PCDHGA1: variants seen among roughly 807,000 people sequenced by gnomAD.
PCDHGA1 encodes the protein protocadherin gamma-A1.
A neutral mutation model predicts 58.0 loss-of-function variants in PCDHGA1; 32 were observed. The observed-to-expected ratio is 0.55, with a 90% CI of 0.42 to 0.74. PCDHGA1 has a LOEUF of 0.74. Ranked by LOEUF, PCDHGA1 falls within the 30% of genes least tolerant of loss-of-function variation. The pLI, the probability that PCDHGA1 is intolerant of heterozygous loss-of-function variation, is 0.00. For synonymous variants in PCDHGA1, 498 were observed against 501.1 expected (o/e 0.99, Z 0.08); for missense variants, 1,205 against 1,182.3 (o/e 1.02, Z -0.28).
chr5:141,403,634 A>T, intron 1 of PCDHGA1: 1 of 1,613,920 alleles, frequency 6.2e-7, no homozygotes, highest in Non-Finnish European at 8.5e-7. Flanking sequence ...CACAGTGCGC[A>T]TCCATGTGAC....
intron 1 of PCDHGA1, among the ~76,000 whole-genome samples, chr5:141,437,976 T>G (rs1182220385): frequency 1.3e-5 from 2 of 152,096 alleles, no homozygotes; most frequent in Non-Finnish European, 2.9e-5. Flanking sequence ...GATCTTGGGA[T>G]GCACCCACCC....
rs769909773 is a variant in PCDHGA1 at position 141,476,732 on chromosome 5, C to T, written c.2422-18075C>T. The T allele has an allele frequency of 8.7e-6, 14 of 1,614,096 alleles. No homozygotes were observed. Among genetic ancestry groups the T allele is most frequent in the Non-Finnish European group, 1.1e-5 (13 of 1,180,030 alleles). ...GTTGGAGCGCGCCCTGGACCGAGAA[C>T]GGGAGCCTAGTCTCCAGTTAGTGCT... is the stretch of plus-strand genomic sequence containing the variant. On this transcript the variant is annotated intron_variant, in intron 1 of 3. Coordinates refer to ENST00000517417, the MANE Select transcript of PCDHGA1 (RefSeq NM_018912.3). The surrounding 1 kb of genome is among the most constrained non-coding windows in gnomAD (Gnocchi z 7.6).
chr5:141,360,940 C>A (rs753520735), intron 1 of PCDHGA1: 6 of 1,613,772 alleles, frequency 3.7e-6, no homozygotes, highest in South Asian at 2.2e-5. Context: ...AGCCACCGAC[C>A]GGGATGAAGG....
intron 1 of PCDHGA1, among the ~76,000 whole-genome samples, chr5:141,445,740 A>T (rs993128906): frequency 2.6e-5 from 4 of 152,226 alleles, no homozygotes; most frequent in Admixed American, 1.3e-4. Flanking sequence ...AGATCTTTTT[A>T]AAAAATAAAA....
Position 141,413,476 on chromosome 5 carries a change from G to T in PCDHGA1, c.2421+80371G>T, listed in dbSNP as rs566734719. 2.1e-5 allele frequency: 34 copies of T among 1,614,004 alleles called. No homozygotes were observed. The South Asian group carries it at 3.7e-4, about 18-fold the overall frequency. ...CAGGATAGACCGGGAGGAGCTCTGC[G>T]CTCAGAGCGCGCGGTGCGTGGTGAG... On this transcript the variant is annotated intron_variant, in intron 1 of 3. Coordinates refer to ENST00000517417, the MANE Select transcript of PCDHGA1 (RefSeq NM_018912.3).
intron 1 of PCDHGA1, chr5:141,427,083 C>T: frequency 2.2e-6 from 1 of 458,128 alleles, no homozygotes; most frequent in South Asian, 1.5e-5. Flanking sequence ...AGCCACTGAC[C>T]AGGATGAGGG....
chr5:141,333,474 C>T (rs1394226250), intron 1 of PCDHGA1: 1 of 348,170 alleles, frequency 2.9e-6, no homozygotes, highest in Non-Finnish European at 5.1e-6. Flanking sequence ...AAATGACTAA[C>T]ACTATTTTCA....
intron 1 of PCDHGA1, among the ~76,000 whole-genome samples, chr5:141,382,057 G>A (rs1777911677): frequency 6.6e-6 from 1 of 151,794 alleles, no homozygotes; most frequent in Non-Finnish European, 1.5e-5. Flanking sequence ...TCAAGCTCCC[G>A]ACCTCAGGTG....
intron 1 of PCDHGA1, chr5:141,442,421 T>G (rs1288481455): frequency 1.3e-5 from 2 of 152,290 alleles, no homozygotes; most frequent in East Asian, 3.9e-4. Flanking sequence ...TGAACTTCTT[T>G]TTTGAATCCC....
intron 3 of PCDHGA1, among the ~76,000 whole-genome samples, chr5:141,510,194 G>T (rs920127442): frequency 6.6e-6 from 1 of 151,462 alleles, no homozygotes. Context: ...AATCACTTGA[G>T]CCCAGGAGGC....
chr5:141,495,921 T>C (rs959070876), intron 2 of PCDHGA1, among the ~76,000 whole-genome samples: 1 of 152,196 alleles, frequency 6.6e-6, no homozygotes, highest in Non-Finnish European at 1.5e-5. Context: ...TCTTTCTTTG[T>C]CTCTGTCTCT....
rs756005665 is a variant in PCDHGA1, at chr5:141,351,018, C to T, written c.2421+17913C>T. 1.1e-5 allele frequency: 18 copies of T among 1,613,906 alleles called. No homozygotes were observed. Among genetic ancestry groups the T allele is most frequent in the African/African-American group, 1.1e-4 (8 of 74,934 alleles). ...AGGGTTAGCCTCCAAGAAAACGTAC[C>T]GTGGGGAACCTCCGTGCTGCGGGTG... On this transcript the variant is annotated intron_variant, in intron 1 of 3. Transcript: ENST00000517417.
intron 1 of PCDHGA1, chr5:141,366,634 G>C (rs1349897930): frequency 1.9e-6 from 3 of 1,614,220 alleles, no homozygotes; most frequent in Middle Eastern, 1.6e-4. Context: ...AGAGTCACCT[G>C]ATCTTTCCCC....
intron 1 of PCDHGA1, chr5:141,341,429 A>G: frequency 1.2e-6 from 2 of 1,611,512 alleles, no homozygotes; most frequent in Non-Finnish European, 1.7e-6. Flanking sequence ...CGTACTAGCT[A>G]GTTTGCTGAA....
intron 1 of PCDHGA1, chr5:141,404,187 G>A (rs370199750): frequency 3.1e-6 from 5 of 1,613,124 alleles, no homozygotes; most frequent in African/African-American, 1.3e-5. Context: ...ATTCTTGACC[G>A]AGAAAAAGCC....
At chr5:141,469,893 A>G (rs2099214569) in intron 1 of PCDHGA1, among the ~76,000 whole-genome samples, 1 of 152,200 alleles carries the variant, frequency 6.6e-6, no homozygotes, top group South Asian at 2.1e-4. Context: ...CACTTTGGGA[A>G]GCCGAGGCAG....
intron 1 of PCDHGA1, chr5:141,420,333 A>G (rs778366534): frequency 2.1e-6 from 3 of 1,402,720 alleles, no homozygotes; most frequent in Non-Finnish European, 2.9e-6. Flanking sequence ...ATATATTCCA[A>G]TATAGTGGTA....
intron 1 of PCDHGA1, among the ~76,000 whole-genome samples, chr5:141,474,922 C>G (rs748864870): frequency 3.9e-5 from 6 of 152,238 alleles, no homozygotes; most frequent in Non-Finnish European, 8.8e-5. Flanking sequence ...CATCTCATCT[C>G]TGGCTTATAT....
intron 1 of PCDHGA1, chr5:141,344,345 A>G (rs755984295): frequency 6.2e-7 from 1 of 1,613,840 alleles, no homozygotes; most frequent in African/African-American, 1.3e-5. Flanking sequence ...TGTGTCTGGT[A>G]AAAATTAACA....
Sources: allele counts gnomAD v4.1 joint callset (sites outside exome capture counted in the v4.1 genomes callset), GRCh38; gene constraint gnomAD v4.1.1; non-coding constraint Gnocchi (gnomAD v3.1); transcripts MANE v1.5; gene names NCBI Gene and HGNC (gene_info 2026-07-23, HGNC 2026-07-21).